Variants in ATXN1 observed in about 807,000 individuals in gnomAD.
ATXN1 encodes the protein ataxin 1.
A neutral mutation model predicts 56.4 loss-of-function variants in ATXN1; 8 were observed. That is an observed-to-expected ratio of 0.14 (90% CI 0.08 to 0.26). The LOEUF (loss-of-function observed/expected upper bound fraction) is 0.26. Among genes scored for constraint, ATXN1 ranks in the 10% least tolerant of loss-of-function variants. The pLI is 1.00. For synonymous variants in ATXN1, 514 were observed against 494.6 expected (o/e 1.04, Z -0.52); for missense variants, 987 against 1,106.5 (o/e 0.89, Z 1.53).
At chr6:16,378,766 C>T (rs1762195286) in intron 6 of ATXN1, among the ~76,000 whole-genome samples, 1 of 151,922 alleles carries the variant, frequency 6.6e-6, no homozygotes, top group Admixed American at 6.6e-5. Context: ...CACTATATTT[C>T]CCAGGCTGGT....
chr6:16,423,918 T>C (rs1178932311), intron 6 of ATXN1, among the ~76,000 whole-genome samples: 1 of 152,044 alleles, frequency 6.6e-6, no homozygotes, highest in African/African-American at 2.4e-5. Flanking sequence ...CAAACGAAAC[T>C]TATGGATTGG....
intron 2 of ATXN1, among the ~76,000 whole-genome samples, chr6:16,729,527 C>T (rs1250108041): frequency 6.6e-6 from 1 of 152,178 alleles, no homozygotes; most frequent in Non-Finnish European, 1.5e-5. Flanking sequence ...TTAGGCATTG[C>T]AACTTGTCAT....
chr6:16,434,170 T>C (rs1014050680), intron 6 of ATXN1, among the ~76,000 whole-genome samples: 3 of 152,216 alleles, frequency 2.0e-5, no homozygotes, highest in African/African-American at 7.2e-5. Flanking sequence ...GTCTTAATTA[T>C]CTAGTGGAAG....
chr6:16,648,124 T>C (rs1299776018), intron 3 of ATXN1, among the ~76,000 whole-genome samples: 1 of 152,188 alleles, frequency 6.6e-6, no homozygotes, highest in Admixed American at 6.5e-5. Context: ...CAAGGTACTC[T>C]GGTCTGTATG....
chr6:16,461,489 G>T (rs1759994517), intron 6 of ATXN1, among the ~76,000 whole-genome samples: 1 of 152,180 alleles, frequency 6.6e-6, no homozygotes, highest in Non-Finnish European at 1.5e-5. Context: ...CCATCGTAAG[G>T]CCCCTTTTGG....
At chr6:16,373,782 G>A (rs994630367) in intron 6 of ATXN1, among the ~76,000 whole-genome samples, 4 of 152,176 alleles carry the variant, frequency 2.6e-5, no homozygotes, top group Non-Finnish European at 4.4e-5. Flanking sequence ...CCCCAGCCAC[G>A]TGGAACTGTG....
At chr6:16,311,950 T>G (rs1760401769) in intron 7 of ATXN1, among the ~76,000 whole-genome samples, 1 of 152,190 alleles carries the variant, frequency 6.6e-6, no homozygotes. Context: ...TCCAAACATG[T>G]CAGCCTCTTT....
rs567616296 is a variant in ATXN1, at chr6:16,514,844, G to A, written c.-299+7783C>T. Among the ~76,000 whole-genome samples, 25 of 152,084 alleles carry A rather than the reference G, an allele frequency of 1.6e-4. No homozygotes were observed. The East Asian group carries it at 4.4e-3, about 27-fold the overall frequency. On this transcript the variant is annotated intron_variant, in intron 5 of 7. Transcript: ENST00000436367. ...TAAAAATACAAAAAATTAGCCAGGC[G>A]TGGTGGTGGGAGGCTGTAATCCCAG...
intron 4 of ATXN1, among the ~76,000 whole-genome samples, chr6:16,546,701 AT>A (rs1761820858): frequency 6.6e-6 from 1 of 152,176 alleles, no homozygotes; most frequent in African/African-American, 2.4e-5. Flanking sequence ...TGTAACAGTT[AT>A]GTTTAAGGTA....
intron 3 of ATXN1, among the ~76,000 whole-genome samples, chr6:16,594,893 G>T (rs1469423970): frequency 6.6e-6 from 1 of 152,138 alleles, no homozygotes; most frequent in African/African-American, 2.4e-5. Flanking sequence ...GAGTTACTTC[G>T]TAAGATGACG....
chr6:16,512,626 A>AAATAGAATG (rs1761104438), intron 5 of ATXN1, among the ~76,000 whole-genome samples: 1 of 152,188 alleles, frequency 6.6e-6, no homozygotes, highest in African/African-American at 2.4e-5. Context: ...AAGTGAAGAG[A>AAATAGAATG]AATAGAATGG....
At chr6:16,344,886 C>T (rs1223635991) in intron 6 of ATXN1, among the ~76,000 whole-genome samples, 6 of 152,218 alleles carry the variant, frequency 3.9e-5, no homozygotes, top group African/African-American at 1.4e-4. Flanking sequence ...CTTAGGCAAT[C>T]ATTCCTAAAC....
intron 2 of ATXN1, among the ~76,000 whole-genome samples, chr6:16,734,688 T>C (rs1760072274): frequency 6.6e-6 from 1 of 152,186 alleles, no homozygotes; most frequent in Non-Finnish European, 1.5e-5. Flanking sequence ...AAGACAGGAT[T>C]TTACCATGTT....
intron 5 of ATXN1, among the ~76,000 whole-genome samples, chr6:16,522,362 A>G (rs913207706): frequency 1.3e-5 from 2 of 152,170 alleles, no homozygotes; most frequent in Admixed American, 1.3e-4. Context: ...TGAGCTGGAC[A>G]AGGTAATAGC....
At chr6:16,541,949 C>T (rs1761723238) in intron 4 of ATXN1, among the ~76,000 whole-genome samples, 1 of 152,100 alleles carries the variant, frequency 6.6e-6, no homozygotes, top group South Asian at 2.1e-4. Context: ...AACCAAAGGA[C>T]TTTCTGGTGA....
rs573140514 is a variant in ATXN1, at chr6:16,340,148, C to T, written c.-160-11678G>A. On this transcript the variant is annotated intron_variant, in intron 6 of 7. Coordinates refer to ENST00000436367, the MANE Select transcript of ATXN1 (RefSeq NM_001128164.2). Reference sequence around the variant, plus strand: ...CCCCACCTGTGGGGAGGTGATCTCTCGGCCTCTGGAATGTCCTGCCTCACA... The same window carrying T: ...CCCCACCTGTGGGGAGGTGATCTCTTGGCCTCTGGAATGTCCTGCCTCACA... Among the ~76,000 whole-genome samples the T allele has an allele frequency of 3.9e-5, 6 of 152,316 alleles. 1 individual carries two copies. The highest frequency in any genetic ancestry group is 1.4e-4 in the African/African-American group (6 of 41,582).
At chr6:16,335,472 T>C (rs1761098250) in intron 6 of ATXN1, among the ~76,000 whole-genome samples, 1 of 151,870 alleles carries the variant, frequency 6.6e-6, no homozygotes, top group Admixed American at 6.6e-5. Flanking sequence ...GTGTAGTGAG[T>C]GAGAAGAGAA....
intron 6 of ATXN1, among the ~76,000 whole-genome samples, chr6:16,352,756 C>G (rs929133265): frequency 1.3e-5 from 2 of 152,118 alleles, no homozygotes; most frequent in African/African-American, 4.8e-5. Context: ...GTACCAAACC[C>G]TATGTACGCT....
intron 6 of ATXN1, among the ~76,000 whole-genome samples, chr6:16,389,639 C>A (rs775969037): frequency 1.4e-4 from 21 of 152,172 alleles, no homozygotes; most frequent in Non-Finnish European, 2.4e-4. Context: ...AAAAAGCGAG[C>A]ATGTGACACA....
Sources: gnomAD v4.1 joint callset for allele counts (sites outside exome capture counted in the v4.1 genomes callset) on GRCh38, gnomAD v4.1.1 for gene constraint, MANE v1.5 for transcripts, NCBI Gene and HGNC (gene_info 2026-07-23, HGNC 2026-07-21) for gene names.